The following ANKRD33B variants were observed in gnomAD, a reference collection of about 807,000 sequenced individuals.
ANKRD33B encodes ankyrin repeat domain-containing protein 33B.
A neutral mutation model predicts 21.5 loss-of-function variants in ANKRD33B; 6 were observed. That is an observed-to-expected ratio of 0.28 (90% CI 0.15 to 0.55). The LOEUF is 0.55. ANKRD33B is among the 20% of genes least tolerant of loss of function. The probability of loss-of-function intolerance (pLI) is 0.94; values close to 1 mark genes in which losing one functional copy is unlikely to be tolerated. For synonymous variants in ANKRD33B, 347 were observed against 342.4 expected (o/e 1.01, Z -0.15); for missense variants, 698 against 747.2 (o/e 0.93, Z 0.77).
intron 1 of ANKRD33B, among the ~76,000 whole-genome samples, chr5:10,614,069 C>A (rs1000300139): frequency 1.3e-5 from 2 of 149,200 alleles, no homozygotes; most frequent in African/African-American, 5.0e-5. Flanking sequence ...GAGGAACTGG[C>A]GTGTGCGATT....
intron 2 of ANKRD33B, 143 bp downstream of exon 2, chr5:10,618,605 A>G (rs888796078): frequency 8.7e-6 from 11 of 1,264,474 alleles, no homozygotes; most frequent in Non-Finnish European, 1.2e-5. Flanking sequence ...GGAAGGGCTG[A>G]TTGCTGTGAC....
chr5:10,570,523 A>G (rs1313474600), intron 1 of ANKRD33B, among the ~76,000 whole-genome samples: 1 of 152,044 alleles, frequency 6.6e-6, no homozygotes, highest in East Asian at 1.9e-4. Flanking sequence ...CTGAAGCATC[A>G]CTTCTGGCTG....
At chr5:10,565,632 AAG>A (rs1201636658) in intron 1 of ANKRD33B, among the ~76,000 whole-genome samples, 2 of 152,126 alleles carry the variant, frequency 1.3e-5, no homozygotes, top group Non-Finnish European at 2.9e-5. Context: ...ATGTTTAGAA[AAG>A]AAAAGAAAAG....
At chr5:10,599,024 T>C (rs1480439893) in intron 1 of ANKRD33B, among the ~76,000 whole-genome samples, 2 of 152,222 alleles carry the variant, frequency 1.3e-5, no homozygotes, top group African/African-American at 4.8e-5. Flanking sequence ...TATAGAGCAT[T>C]TCCATCACCA....
intron 2 of ANKRD33B, among the ~76,000 whole-genome samples, chr5:10,633,348 C>T (rs988298635): frequency 6.6e-6 from 1 of 152,244 alleles, no homozygotes; most frequent in Non-Finnish European, 1.5e-5. Context: ...ATCCACCCGC[C>T]TCGGCCTCCC....
chr5:10,566,115 G>C (rs994574318), intron 1 of ANKRD33B, among the ~76,000 whole-genome samples: 8 of 152,178 alleles, frequency 5.3e-5, no homozygotes, highest in Non-Finnish European at 1.0e-4. Context: ...GATGAGATTT[G>C]GGTGGGGACA....
chr5:10,596,331 C>T (rs1247006867), intron 1 of ANKRD33B, among the ~76,000 whole-genome samples: 1 of 152,212 alleles, frequency 6.6e-6, no homozygotes, highest in African/African-American at 2.4e-5. Context: ...CTCACACCCC[C>T]TGATAAGCCC....
At chr5:10,640,080 G>A (rs570119727) in intron 3 of ANKRD33B, among the ~76,000 whole-genome samples, 1,214 of 103,732 alleles carry the variant, frequency 0.012, 84 homozygotes, top group African/African-American at 0.039. Flanking sequence ...GTGGAGTTGC[G>A]TGGTAATGTT....
intron 2 of ANKRD33B, among the ~76,000 whole-genome samples, chr5:10,630,624 G>A (rs1269035956): frequency 4.6e-5 from 7 of 152,188 alleles, no homozygotes; most frequent in Non-Finnish European, 1.0e-4. Flanking sequence ...ATGCGTACAT[G>A]GGAGCCTTCG....
chr5:10,611,503 G>T (rs1040371435), intron 1 of ANKRD33B, among the ~76,000 whole-genome samples: 1 of 152,082 alleles, frequency 6.6e-6, no homozygotes, highest in Admixed American at 6.6e-5. Context: ...CGTTCCATGG[G>T]ATTCTTTATT....
chr5:10,570,204 A>G (rs955111280), intron 1 of ANKRD33B, among the ~76,000 whole-genome samples: 1 of 152,172 alleles, frequency 6.6e-6, no homozygotes, highest in African/African-American at 2.4e-5. Flanking sequence ...TAAGAATGTC[A>G]GTCATCTGTG....
chr5:10,633,726 C>T (rs1474312298), intron 2 of ANKRD33B, among the ~76,000 whole-genome samples: 3 of 152,164 alleles, frequency 2.0e-5, no homozygotes, highest in Non-Finnish European at 4.4e-5. Flanking sequence ...TTCATGACCT[C>T]GACAGTTTTG....
Position 10,655,625 on chromosome 5 carries a change from T to G in ANKRD33B, c.*5512T>G, listed in dbSNP as rs1321804563. 6.6e-6 allele frequency: 1 copy of G among 152,068 alleles called. No homozygotes were observed. Among genetic ancestry groups the G allele is most frequent in the African/African-American group, 2.4e-5 (1 of 41,330 alleles). The allele number at this position is 152,068 out of a possible 1,614,324, so 9.4% of individuals were successfully genotyped here. On this transcript the variant is annotated 3_prime_UTR_variant, in exon 4 of 4. Coordinates refer to ENST00000296657, the MANE Select transcript of ANKRD33B (RefSeq NM_001164440.2). ...CTCGCTGTTCCTGCGGTGGTCAGAG[T>G]CCCCCTGTGCTGTGTCAGCTCCTGG...
intron 3 of ANKRD33B, among the ~76,000 whole-genome samples, chr5:10,638,906 T>C (rs199597795): frequency 0.34 from 38,974 of 113,226 alleles, 8,507 homozygotes; most frequent in Middle Eastern, 0.5. Context: ...AGTTGTGTGG[T>C]AATGTTAGCG....
intron 1 of ANKRD33B, among the ~76,000 whole-genome samples, chr5:10,613,001 G>A (rs886660182): frequency 3.3e-5 from 5 of 152,058 alleles, no homozygotes; most frequent in African/African-American, 7.2e-5. Flanking sequence ...TACTCTCTTC[G>A]TTCTTGGAAT....
chr5:10,570,959 T>G (rs1735174537), intron 1 of ANKRD33B, among the ~76,000 whole-genome samples: 1 of 151,992 alleles, frequency 6.6e-6, no homozygotes. Flanking sequence ...AAACAGGCAT[T>G]TAGTTTTTAA....
At chr5:10,586,936 C>T (rs1037389018) in intron 1 of ANKRD33B, among the ~76,000 whole-genome samples, 10 of 152,148 alleles carry the variant, frequency 6.6e-5, no homozygotes, top group African/African-American at 2.4e-4. Flanking sequence ...TTTAAAAAAG[C>T]AGTGAAGTGT....
intron 1 of ANKRD33B, among the ~76,000 whole-genome samples, chr5:10,608,954 G>T (rs1736108903): frequency 6.6e-6 from 1 of 152,184 alleles, no homozygotes; most frequent in Non-Finnish European, 1.5e-5. Context: ...GTGCCCCAGG[G>T]CCTCCTTTGC....
At chr5:10,614,513 T>C (rs542237393) in intron 1 of ANKRD33B, among the ~76,000 whole-genome samples, 3 of 152,318 alleles carry the variant, frequency 2.0e-5, no homozygotes, top group East Asian at 3.9e-4. Context: ...TCAAGTGGTC[T>C]TCCCACCTTG....
Sources: allele counts gnomAD v4.1 joint callset (sites outside exome capture counted in the v4.1 genomes callset), GRCh38; gene constraint gnomAD v4.1.1; transcripts MANE v1.5; gene names NCBI Gene and HGNC (gene_info 2026-07-23, HGNC 2026-07-21).